The following NDUFAF2 variants were observed in gnomAD, a reference collection of about 807,000 sequenced individuals.
NDUFAF2 encodes NADH:ubiquinone oxidoreductase complex assembly factor 2, also known as NADH dehydrogenase [ubiquinone] 1 alpha subcomplex assembly factor 2.
A neutral mutation model predicts 22.8 loss-of-function variants in NDUFAF2; 13 were observed. The ratio of observed to expected loss-of-function variants is 0.57; its 90% CI spans 0.37 to 0.91. The LOEUF is 0.91. NDUFAF2 is among the 40% of genes least tolerant of loss of function. NDUFAF2 has a pLI of 0.01. For synonymous variants in NDUFAF2, 53 were observed against 64.2 expected (o/e 0.83, Z 0.84); for missense variants, 162 against 195.2 (o/e 0.83, Z 1.01).
chr5:61,152,292 A>G (rs1257072139), intron 3 of NDUFAF2, among the ~76,000 whole-genome samples: 1 of 133,508 alleles, frequency 7.5e-6, no homozygotes, highest in East Asian at 2.1e-4. Flanking sequence ...AATGGCAAAG[A>G]AAAAAAAAAA....
At chr5:61,019,054 A>G (rs1319291370) in intron 1 of NDUFAF2, among the ~76,000 whole-genome samples, 1 of 152,090 alleles carries the variant, frequency 6.6e-6, no homozygotes, top group East Asian at 1.9e-4. Context: ...AAAAGCCTGT[A>G]TTTCCTCATC....
At chr5:61,037,318 T>C (rs963519152) in intron 1 of NDUFAF2, among the ~76,000 whole-genome samples, 1 of 152,198 alleles carries the variant, frequency 6.6e-6, no homozygotes, top group African/African-American at 2.4e-5. Context: ...TTGACAGTTT[T>C]TGTAGATAGG....
intron 1 of NDUFAF2, among the ~76,000 whole-genome samples, chr5:61,058,287 C>G (rs1406901701): frequency 6.6e-6 from 1 of 152,046 alleles, no homozygotes; most frequent in Non-Finnish European, 1.5e-5. Flanking sequence ...TTCCATCTCT[C>G]TTTTTACCTA....
chr5:61,006,701 C>A (rs555836566), intron 1 of NDUFAF2, among the ~76,000 whole-genome samples: 1 of 152,168 alleles, frequency 6.6e-6, no homozygotes, highest in South Asian at 2.1e-4. Context: ...TCTTTTTAAG[C>A]AATTGTGAAT....
At chr5:61,066,645 T>C (rs1181566184) in intron 1 of NDUFAF2, among the ~76,000 whole-genome samples, 1 of 152,096 alleles carries the variant, frequency 6.6e-6, no homozygotes, top group Non-Finnish European at 1.5e-5. Context: ...TCAATTCACT[T>C]ATATAACATG....
intron 1 of NDUFAF2, among the ~76,000 whole-genome samples, chr5:61,062,653 C>CT (rs942777093): frequency 6.6e-6 from 1 of 152,066 alleles, no homozygotes; most frequent in Admixed American, 6.6e-5. Context: ...GAAGTAATTG[C>CT]TGAAAATTTG....
At chr5:61,003,087 A>G (rs983994687) in intron 1 of NDUFAF2, among the ~76,000 whole-genome samples, 1 of 152,122 alleles carries the variant, frequency 6.6e-6, no homozygotes, top group Non-Finnish European at 1.5e-5. Flanking sequence ...GTGACTCTAC[A>G]GGAAATATAC....
In NDUFAF2 at chr5:60,960,856, A is replaced by C. The variant is rs956520499; in HGVS notation, c.127+15474A>C. Among the ~76,000 whole-genome samples, 33 of 152,028 alleles carry C rather than the reference A, an allele frequency of 2.2e-4. 1 individual carries two copies. ...ACTCACAAATTGCATCCTTTGCTAGAGATTGTGTTTACACTTTTTTTCCCC... is the reference window on the plus strand; with the variant it reads ...ACTCACAAATTGCATCCTTTGCTAGCGATTGTGTTTACACTTTTTTTCCCC... On this transcript the variant is annotated intron_variant, in intron 1 of 3. Transcript: ENST00000296597.
chr5:60,952,353 G>T (rs1750558916), intron 1 of NDUFAF2, among the ~76,000 whole-genome samples: 1 of 151,374 alleles, frequency 6.6e-6, no homozygotes. Context: ...AAAATTTCTT[G>T]TAGGCACTGT....
chr5:61,064,124 T>C (rs1454473774), intron 1 of NDUFAF2, among the ~76,000 whole-genome samples: 1 of 151,898 alleles, frequency 6.6e-6, no homozygotes, highest in Admixed American at 6.6e-5. Context: ...AGACTTCAAG[T>C]GAAAAACTAT....
intron 1 of NDUFAF2, among the ~76,000 whole-genome samples, chr5:61,021,888 G>A (rs1467531603): frequency 1.3e-5 from 2 of 152,172 alleles, no homozygotes; most frequent in African/African-American, 4.8e-5. Flanking sequence ...GATTGTAGAA[G>A]CTTGGTAAGT....
At chr5:61,134,657 G>T (rs1579848721) in intron 3 of NDUFAF2, among the ~76,000 whole-genome samples, 1 of 152,274 alleles carries the variant, frequency 6.6e-6, no homozygotes, top group Admixed American at 6.5e-5. Context: ...CTGCACTCCA[G>T]CCTGGGTGAC....
intron 3 of NDUFAF2, among the ~76,000 whole-genome samples, chr5:61,102,833 C>A (rs564996237): frequency 6.6e-6 from 1 of 151,998 alleles, no homozygotes; most frequent in Admixed American, 6.6e-5. Context: ...AAATCTTGAA[C>A]AAGCACTCTG....
intron 3 of NDUFAF2, among the ~76,000 whole-genome samples, chr5:61,149,894 A>G (rs965671636): frequency 6.6e-6 from 1 of 152,118 alleles, no homozygotes; most frequent in African/African-American, 2.4e-5. Context: ...TTTCTTATCA[A>G]TTCCAAATAT....
intron 2 of NDUFAF2, among the ~76,000 whole-genome samples, chr5:61,095,895 G>A (rs1752633962): frequency 6.6e-6 from 1 of 152,094 alleles, no homozygotes; most frequent in Non-Finnish European, 1.5e-5. Flanking sequence ...GTACCAATGC[G>A]AGTACCTGGA....
At chr5:61,090,420 T>A (rs545606530) in intron 2 of NDUFAF2, among the ~76,000 whole-genome samples, 1 of 152,252 alleles carries the variant, frequency 6.6e-6, no homozygotes, top group East Asian at 1.9e-4. Flanking sequence ...TTTCATGTCA[T>A]GAAATACTGT....
intron 1 of NDUFAF2, among the ~76,000 whole-genome samples, chr5:61,043,679 A>ATGTGTGTGTG (rs373302097): frequency 1.3e-5 from 2 of 149,218 alleles, no homozygotes; most frequent in African/African-American, 4.9e-5. Flanking sequence ...AGCTGTATAT[A>ATGTGTGTGTG]TGTGTGTGTG....
intron 3 of NDUFAF2, among the ~76,000 whole-genome samples, chr5:61,110,615 G>A (rs1432469534): frequency 6.6e-6 from 1 of 151,888 alleles, no homozygotes; most frequent in African/African-American, 2.4e-5. Flanking sequence ...GCTTATAGTT[G>A]CTCATAGTAG....
At chr5:60,998,347 GAAAT>G (rs1751253939) in intron 1 of NDUFAF2, among the ~76,000 whole-genome samples, 1 of 152,134 alleles carries the variant, frequency 6.6e-6, no homozygotes, top group East Asian at 1.9e-4. Context: ...TGAAAATTAT[GAAAT>G]AAGGTATGTG....
Sources: gnomAD v4.1 joint callset for allele counts (sites outside exome capture counted in the v4.1 genomes callset) on GRCh38, gnomAD v4.1.1 for gene constraint, MANE v1.5 for transcripts, NCBI Gene and HGNC (gene_info 2026-07-23, HGNC 2026-07-21) for gene names.